Variants in SPINK5 observed in about 807,000 individuals in gnomAD.
SPINK5 encodes the protein serine peptidase inhibitor Kazal type 5, also known as serine protease inhibitor Kazal-type 5.
A neutral mutation model predicts 151.8 loss-of-function variants in SPINK5; 125 were observed. That is an observed-to-expected ratio of 0.82 (90% confidence interval 0.71 to 0.96). SPINK5 has a LOEUF of 0.96. SPINK5 is among the 40% of genes least tolerant of loss of function. The probability of loss-of-function intolerance (pLI) is 0.00; values close to 1 mark genes in which losing one functional copy is unlikely to be tolerated. For synonymous variants in SPINK5, 374 were observed against 395.3 expected, an observed-to-expected ratio of 0.95 and a Z score of 0.64; for missense variants, 1,194 against 1,291.9, an observed-to-expected ratio of 0.92 and a Z score of 1.16.
chr5:148,117,971 T>C (rs191096685), intron 22 of SPINK5, among the ~76,000 whole-genome samples: 6 of 152,284 alleles, frequency 3.9e-5, no homozygotes, highest in African/African-American at 1.4e-4. Context: ...TGGGTGATTC[T>C]GGTCCCCTTT....
Position 148,098,566 on chromosome 5 carries a change from A to G in SPINK5, c.1010+572A>G, listed in dbSNP as rs904830098. ...TCTTTGTTTTGATTGACAACTACATATGGTTGAAATATCATCAGTTAACTG... is the reference window on the plus strand; with the variant it reads ...TCTTTGTTTTGATTGACAACTACATGTGGTTGAAATATCATCAGTTAACTG... On this transcript the variant is annotated intron_variant, in intron 11 of 32. Transcript: ENST00000256084. Among the ~76,000 whole-genome samples the G allele has an allele frequency of 3.3e-5, 5 of 151,970 alleles. No homozygotes were observed. The East Asian group carries it at 9.7e-4, about 29-fold the overall frequency.
intron 1 of SPINK5, among the ~76,000 whole-genome samples, chr5:148,064,762 C>T (rs1752533795): frequency 6.6e-6 from 1 of 151,988 alleles, no homozygotes; most frequent in Admixed American, 6.6e-5. Context: ...ACAAATAATG[C>T]CCATTTTCCT....
chr5:148,088,183 CTTTG>C (rs1440392573), intron 5 of SPINK5, among the ~76,000 whole-genome samples: 1 of 151,738 alleles, frequency 6.6e-6, no homozygotes, highest in Non-Finnish European at 1.5e-5. Flanking sequence ...ACAAATTTGA[CTTTG>C]TTTATTTAAA....
At chr5:148,064,251 A>T in intron 1 of SPINK5, 152 bp downstream of exon 1, 2 of 805,798 alleles carry the variant, frequency 2.5e-6, no homozygotes, top group South Asian at 2.8e-5. Context: ...GAAGATTTAT[A>T]TATGTGGCTT....
intron 21 of SPINK5, 65 bp downstream of exon 21, chr5:148,114,554 A>G: frequency 6.2e-7 from 1 of 1,603,336 alleles, no homozygotes; most frequent in Non-Finnish European, 8.5e-7. Context: ...AGCCAGGCAA[A>G]TAATATGTAT....
At chr5:148,126,857 G>A in intron 29 of SPINK5, 126 bp from the exon 30 acceptor site, 2 of 750,316 alleles carry the variant, frequency 2.7e-6, no homozygotes, top group Non-Finnish European at 4.2e-6. Context: ...CTTCCAAAAT[G>A]CTGGGGTTAC....
chr5:148,111,187 C>G (rs147261186), intron 18 of SPINK5, among the ~76,000 whole-genome samples: 2 of 151,430 alleles, frequency 1.3e-5, no homozygotes, highest in Non-Finnish European at 2.9e-5. Context: ...CTTGGACCCC[C>G]CTTCTCTGTC....
chr5:148,065,545 T>TCACA (rs3036741), intron 2 of SPINK5, 173 bp downstream of exon 2: 176 of 608,282 alleles, frequency 2.9e-4, no homozygotes, highest in African/African-American at 2.0e-3. Context: ...AGCCTCTCTC[T>TCACA]CACACACACA....
intron 30 of SPINK5, among the ~76,000 whole-genome samples, chr5:148,128,565 T>G (rs1369456875): frequency 6.6e-6 from 1 of 152,152 alleles, no homozygotes; most frequent in Non-Finnish European, 1.5e-5. Flanking sequence ...GTCTTGCTCT[T>G]TCGCCCAGGC....
At chr5:148,088,108 A>G (rs1437050682) in intron 5 of SPINK5, among the ~76,000 whole-genome samples, 2 of 151,934 alleles carry the variant, frequency 1.3e-5, no homozygotes, top group South Asian at 2.1e-4. Flanking sequence ...TGTACTTTCT[A>G]TGAAAAATAA....
Position 148,120,098 on chromosome 5 carries a change from G to A in SPINK5, c.2403G>A (p.Lys801=), listed in dbSNP as rs1471176550. The change falls in exon 25 of 33, where the codon AAG becomes AAA. Residue 801 remains lysine (K), a synonymous_variant. Coordinates refer to ENST00000256084, the MANE Select transcript of SPINK5 (RefSeq NM_006846.4). ...ACCCTGTCCGGGGTCCAGATGGCAA[G>A]ACACATGGCAATAAGTGTACTATGT... The part of the protein sequence containing the change: ...ESDPVRGPDG[K]THGNKCTMCK... 2 of 1,613,998 alleles carry A rather than the reference G, an allele frequency of 1.2e-6. No homozygotes were observed.
chr5:148,104,427 C>A (rs536113358), intron 15 of SPINK5, among the ~76,000 whole-genome samples: 56 of 152,228 alleles, frequency 3.7e-4, no homozygotes, highest in Middle Eastern at 6.8e-3. Context: ...CAGGTTTACT[C>A]CCTAATTCAG....
intron 26 of SPINK5, among the ~76,000 whole-genome samples, chr5:148,122,569 C>T (rs991478395): frequency 9.9e-5 from 15 of 151,788 alleles, no homozygotes; most frequent in East Asian, 5.8e-4. Flanking sequence ...TCTGTAGACT[C>T]GGTTCTATTG....
intron 31 of SPINK5, among the ~76,000 whole-genome samples, chr5:148,133,254 G>C (rs1754616355): frequency 6.6e-6 from 1 of 152,172 alleles, no homozygotes; most frequent in Admixed American, 6.5e-5. Flanking sequence ...TTTAAGCAAT[G>C]CTAAAAGACA....
intron 19 of SPINK5, 51 bp from the exon 20 acceptor site, chr5:148,112,817 A>G (rs1258872619): frequency 1.2e-6 from 2 of 1,611,108 alleles, no homozygotes; most frequent in East Asian, 2.2e-5. Context: ...CCTTTAGGGT[A>G]GTATGTATTG....
chr5:148,107,906 C>T (rs1725909848), intron 17 of SPINK5, among the ~76,000 whole-genome samples: 2 of 152,164 alleles, frequency 1.3e-5, no homozygotes, highest in Admixed American at 1.3e-4. Context: ...AAAATAAATG[C>T]CGAGAAAAAC....
Position 148,086,410 on chromosome 5 carries a change from T to C in SPINK5, c.288T>C (p.Asn96=), listed in dbSNP as rs755590932. 7 of 1,610,676 alleles carry C rather than the reference T, an allele frequency of 4.3e-6. No homozygotes were observed. The Admixed American group carries it at 1.0e-4, about 23-fold the overall frequency. ...APKATAPTEL[N]CDDFKKGERD... ...CTTGATCATGTCTTTTGCAGCTGAA[T>C]TGTGATGATTTTAAAAAAGGAGAAA... is the stretch of plus-strand genomic sequence containing the variant. Residue 96 remains asparagine (N), a synonymous_variant, in exon 5 of 33, where the codon AAT becomes AAC. Coordinates refer to ENST00000256084, the MANE Select transcript of SPINK5 (RefSeq NM_006846.4).
chr5:148,118,299 G>A, intron 22 of SPINK5, 138 bp from the exon 23 acceptor site: 1 of 1,305,130 alleles, frequency 7.7e-7, no homozygotes, highest in Non-Finnish European at 1.1e-6. Context: ...TTACAGGCAT[G>A]AGCCACCGTA....
At chr5:148,111,283 G>A (rs907560648) in intron 18 of SPINK5, among the ~76,000 whole-genome samples, 1 of 152,040 alleles carries the variant, frequency 6.6e-6, no homozygotes, top group African/African-American at 2.4e-5. Context: ...CGCTCTTGCA[G>A]TTTTAAGGAC....
Sources: gnomAD v4.1 joint callset for allele counts (sites outside exome capture counted in the v4.1 genomes callset) on GRCh38, gnomAD v4.1.1 for gene constraint, MANE v1.5 for transcripts, NCBI Gene and HGNC (gene_info 2026-07-23, HGNC 2026-07-21) for gene names.